The following AATF variants were observed in gnomAD, a reference collection of about 807,000 sequenced individuals.
The protein encoded by AATF is protein AATF.
In AATF, 48 loss-of-function variants were observed where a neutral mutation model predicts 63.7. The ratio of observed to expected loss-of-function variants is 0.75; its 90% CI spans 0.60 to 0.96. The LOEUF (loss-of-function observed/expected upper bound fraction) is 0.96. Ranked by LOEUF, AATF falls within the 40% of genes least tolerant of loss-of-function variation. AATF has a pLI of 0.00. For missense variants in AATF, 639 were observed against 685.7 expected (o/e 0.93, Z 0.76); for synonymous variants, 258 against 247.7 (o/e 1.04, Z -0.39).
At chr17:36,966,552 A>G (rs1414200868) in intron 4 of AATF, among the ~76,000 whole-genome samples, 1 of 151,312 alleles carries the variant, frequency 6.6e-6, no homozygotes, top group Non-Finnish European at 1.5e-5. Flanking sequence ...ACAGGTGTGA[A>G]CCGCCATGCC....
chr17:36,949,080 C>T lies in AATF; in HGVS notation c.-46C>T, dbSNP rs963309268. The T allele has an allele frequency of 6.7e-7, 1 of 1,485,476 alleles. No homozygotes were observed. The highest frequency in any genetic ancestry group is 9.2e-7 in the Non-Finnish European group (1 of 1,090,520). The allele number at this position is 1,485,476 out of a possible 1,614,324, so 92.0% of individuals were successfully genotyped here. On this transcript the variant is annotated 5_prime_UTR_variant, in exon 1 of 12. Transcript: ENST00000619387. ...GGAGCTTCGGGGCCGGGGGTTGGGCCGCACATTTACGTGCGCGAAGCGGAG... is the reference window on the plus strand; with the variant it reads ...GGAGCTTCGGGGCCGGGGGTTGGGCTGCACATTTACGTGCGCGAAGCGGAG...
Position 36,949,175 on chromosome 17 carries a change from C to T in AATF, c.50C>T (p.Pro17Leu). The change falls in exon 1 of 12, where the codon CCG becomes CTG. Residue 17 changes from proline to leucine, a missense_variant. Transcript: ENST00000619387. ...LALQLEQLLN[P>L]RPSEADPEAD... ...CTGCAACTGGAACAGTTGTTGAACC[C>T]GCGACCAAGCGAGGCGGACCCTGAA... is the stretch of plus-strand genomic sequence containing the variant. The T allele has an allele frequency of 6.3e-7, 1 of 1,593,158 alleles. No individual in the cohort carries two copies. The highest frequency in any genetic ancestry group is 1.3e-5 in the African/African-American group (1 of 74,838).
intron 4 of AATF, among the ~76,000 whole-genome samples, chr17:36,969,545 T>C (rs1478537822): frequency 1.3e-5 from 2 of 152,230 alleles, no homozygotes; most frequent in Non-Finnish European, 2.9e-5. Context: ...CTGCATTCTG[T>C]TTCTGGACTG....
intron 1 of AATF, among the ~76,000 whole-genome samples, chr17:36,949,694 C>T (rs1372577718): frequency 6.6e-6 from 1 of 152,238 alleles, no homozygotes; most frequent in Non-Finnish European, 1.5e-5. Context: ...TGTTCAGTGG[C>T]TGACGACTGA....
intron 10 of AATF, among the ~76,000 whole-genome samples, chr17:37,028,286 C>T (rs4553673): frequency 0.19 from 28,319 of 151,722 alleles, 2,830 homozygotes; most frequent in African/African-American, 0.26. Context: ...GGCATGGTGG[C>T]GCACACCTCT....
chr17:36,954,982 T>C (rs1217137421), intron 4 of AATF, among the ~76,000 whole-genome samples: 1 of 152,166 alleles, frequency 6.6e-6, no homozygotes, highest in East Asian at 1.9e-4. Context: ...TAGATATATA[T>C]GTATAGATTA....
chr17:36,952,963 G>A lies in AATF; in HGVS notation c.361G>A (p.Asp121Asn), dbSNP rs145557208. The change falls in exon 3 of 12, where the codon GAC (aspartate) becomes AAC (asparagine). Residue 121 changes from aspartate to asparagine, a missense_variant. Physicochemically the swap from Asp to Asn is conservative, Grantham distance 23. Transcript: ENST00000619387. ...GLGLEEYDED[D>N]LGAAEEQECG... ...GGGTCTGGAGGAATATGATGAGGAC[G>A]ACCTGGGTGCTGCTGAGGAACAGGA... 270 of 1,614,184 alleles carry A rather than the reference G, an allele frequency of 1.7e-4. No individual in the cohort carries two copies. Among genetic ancestry groups the A allele is most frequent in the Non-Finnish European group, 2.1e-4 (243 of 1,180,018 alleles).
intron 7 of AATF, 33 bp from the exon 8 acceptor site, chr17:36,990,741 G>T (rs772481529): frequency 3.7e-6 from 5 of 1,361,254 alleles, no homozygotes; most frequent in Admixed American, 2.0e-5. Context: ...GCCTTGTTGG[G>T]ATTCACTCTT....
chr17:36,970,348 T>C (rs2071029395), intron 4 of AATF, among the ~76,000 whole-genome samples: 2 of 152,186 alleles, frequency 1.3e-5, no homozygotes, highest in Non-Finnish European at 2.9e-5. Context: ...CTATCCTGTC[T>C]CTCATTCTTT....
rs571574111 is a variant in AATF, at chr17:36,993,312, C to G, written c.1398+2455C>G. Among the ~76,000 whole-genome samples, 10 of 152,286 alleles carry G rather than the reference C, an allele frequency of 6.6e-5. 1 individual carries two copies. In the South Asian group the frequency reaches 1.9e-3, roughly 28 times the overall value. ...CCCTCACCCTTCAGTTTTCCTCCCCCTCCCAAATATGCTTCTTGGGAGAGA... is the reference window on the plus strand; with the variant it reads ...CCCTCACCCTTCAGTTTTCCTCCCCGTCCCAAATATGCTTCTTGGGAGAGA... On this transcript the variant is annotated intron_variant, in intron 8 of 11. Transcript: ENST00000619387.
Position 37,031,608 on chromosome 17 carries a change from A to G in AATF, c.1548-6A>G. The G allele has an allele frequency of 6.2e-7, 1 of 1,613,558 alleles. No homozygotes were observed. Among genetic ancestry groups the G allele is most frequent in the Non-Finnish European group, 8.5e-7 (1 of 1,179,480 alleles). On this transcript the variant is annotated splice_region_variant and splice_polypyrimidine_tract_variant and intron_variant, in intron 10 of 11. Transcript: ENST00000619387. ...GTTGCTGCCTGTTGCTTCCTGCTTT[A>G]TTTAGGTTTCATGTCCTTAGCAAGC... is the stretch of plus-strand genomic sequence containing the variant.
chr17:37,009,177 G>T (rs1241649443), intron 8 of AATF, among the ~76,000 whole-genome samples: 1 of 152,078 alleles, frequency 6.6e-6, no homozygotes, highest in African/African-American at 2.4e-5. Flanking sequence ...TGTTGCCCAG[G>T]CTGGAGTGCA....
intron 11 of AATF, chr17:37,056,271 C>T (rs1597748830): frequency 7.7e-6 from 2 of 258,882 alleles, no homozygotes; most frequent in African/African-American, 2.2e-5. Flanking sequence ...ATTGAATCCT[C>T]CTCATCGGAT....
chr17:36,954,384 G>T (rs1180221596), intron 4 of AATF, among the ~76,000 whole-genome samples: 1 of 152,162 alleles, frequency 6.6e-6, no homozygotes, highest in Non-Finnish European at 1.5e-5. Flanking sequence ...GCCTGGCCCT[G>T]AGTTAATTCT....
chr17:37,041,112 C>T (rs2142312597), intron 11 of AATF, among the ~76,000 whole-genome samples: 1 of 152,176 alleles, frequency 6.6e-6, no homozygotes, highest in South Asian at 2.1e-4. Flanking sequence ...ATTATTAATA[C>T]TTTTACATGT....
chr17:36,989,322 A>C lies in AATF; in HGVS notation c.1225A>C (p.Arg409=). 6.2e-7 allele frequency: 1 copy of C among 1,614,132 alleles called. No individual in the cohort carries two copies. The highest frequency in any genetic ancestry group is 8.5e-7 in the Non-Finnish European group (1 of 1,180,024). Residue 409 remains arginine (R), a synonymous_variant, in exon 7 of 12, where the codon AGG becomes CGG. Transcript: ENST00000619387. ...GATGGACAAAGAGAGATTACTTCGA[A>C]GGACACAGACCAAGCGCTCTGTCTA... The part of the protein sequence containing the change: ...ILMDKERLLR[R]TQTKRSVYRV...
At chr17:37,037,015 T>G (rs566484011) in intron 11 of AATF, among the ~76,000 whole-genome samples, 11 of 151,330 alleles carry the variant, frequency 7.3e-5, no homozygotes, top group South Asian at 4.2e-4. Flanking sequence ...TTTTTGTTTT[T>G]TTTTTTTTTT....
chr17:36,968,259 T>C (rs2071008592), intron 4 of AATF, among the ~76,000 whole-genome samples: 3 of 137,908 alleles, frequency 2.2e-5, no homozygotes, highest in African/African-American at 8.5e-5. Flanking sequence ...TTTTTCTTTC[T>C]TTCCTTCTTT....
At position 37,056,826 on chromosome 17, in the gene AATF, C is replaced by T. The variant is rs2071803112; in HGVS notation, c.*162C>T. 2 of 676,350 alleles carry T rather than the reference C, an allele frequency of 3.0e-6. No homozygotes were observed. The highest frequency in any genetic ancestry group is 2.8e-5 in the East Asian group (1 of 36,362). 41.9% of individuals were successfully genotyped at this position (676,350 alleles called of 1,614,324 possible). On this transcript the variant is annotated 3_prime_UTR_variant, in exon 12 of 12. Coordinates refer to ENST00000619387, the MANE Select transcript of AATF (RefSeq NM_012138.4). ...ATACACGCAAGGGCGCTGTCCCGCC[C>T]AACCCCGCCTTTAAACGCCACAAAT...
Sources: allele counts gnomAD v4.1 joint callset (sites outside exome capture counted in the v4.1 genomes callset), GRCh38; gene constraint gnomAD v4.1.1; transcripts MANE v1.5; gene names NCBI Gene and HGNC (gene_info 2026-07-23, HGNC 2026-07-21).